COL24A1: variants seen among roughly 807,000 people sequenced by gnomAD.
COL24A1 encodes the protein collagen type XXIV alpha 1 chain.
A neutral mutation model predicts 253.9 loss-of-function variants in COL24A1; 224 were observed. The observed-to-expected ratio is 0.88, with a 90% CI of 0.79 to 0.99. The LOEUF is 0.99. Ranked by LOEUF, COL24A1 falls within the 50% of genes least tolerant of loss-of-function variation. The pLI, the probability that COL24A1 is intolerant of heterozygous loss-of-function variation, is 0.00. For synonymous variants in COL24A1, 685 were observed against 673.7 expected (o/e 1.02, Z -0.26); for missense variants, 2,131 against 2,068.5 (o/e 1.03, Z -0.59).
chr1:85,781,107 T>C (rs1669093898), intron 52 of COL24A1, 113 bp downstream of exon 52: 1 of 724,082 alleles, frequency 1.4e-6, no homozygotes, highest in South Asian at 2.5e-5. Flanking sequence ...AAAATGTATA[T>C]CTATTTTTTC....
intron 7 of COL24A1, among the ~76,000 whole-genome samples, chr1:86,082,322 T>G (rs535121694): frequency 5.3e-5 from 8 of 152,108 alleles, no homozygotes; most frequent in Non-Finnish European, 1.2e-4. Context: ...ACCTCCTCCC[T>G]CACACTTCAT....
intron 45 of COL24A1, 52 bp from the exon 46 acceptor site, chr1:85,818,139 T>A: frequency 6.8e-7 from 1 of 1,468,994 alleles, no homozygotes; most frequent in South Asian, 1.1e-5. Flanking sequence ...TTACTTAAAC[T>A]GAAGCCATAG....
chr1:85,736,755 T>C (rs1475074929), intron 58 of COL24A1, among the ~76,000 whole-genome samples: 1 of 152,110 alleles, frequency 6.6e-6, no homozygotes, highest in Non-Finnish European at 1.5e-5. Flanking sequence ...GCTGGTTTAA[T>C]CAGAAAAAGA....
Position 86,120,300 on chromosome 1 carries a change from T to C in COL24A1, c.1491+4545A>G, listed in dbSNP as rs555468993. ...GCCAAAATAGACAAATGGGATCTAA[T>C]TAAACTCAAGAGCTTCTGCACAGCA... is the stretch of plus-strand genomic sequence containing the variant. On this transcript the variant is annotated intron_variant, in intron 3 of 59. Transcript: ENST00000370571. Among the ~76,000 whole-genome samples the C allele has an allele frequency of 1.7e-3, 259 of 152,208 alleles. 1 individual carries two copies. The highest frequency in any genetic ancestry group is 3.4e-3 in the Middle Eastern group (1 of 292).
At chr1:85,886,097 C>G (rs1682467161) in intron 32 of COL24A1, among the ~76,000 whole-genome samples, 1 of 151,600 alleles carries the variant, frequency 6.6e-6, no homozygotes, top group Admixed American at 6.6e-5. Context: ...GAATCTCACT[C>G]TATCACCCAG....
At chr1:85,986,274 A>G (rs1376221817) in intron 20 of COL24A1, among the ~76,000 whole-genome samples, 2 of 151,794 alleles carry the variant, frequency 1.3e-5, no homozygotes. Context: ...CATGAGAGGC[A>G]GCCAATATCT....
intron 47 of COL24A1, among the ~76,000 whole-genome samples, chr1:85,802,524 CA>C (rs1671539942): frequency 6.6e-6 from 1 of 152,130 alleles, no homozygotes; most frequent in Non-Finnish European, 1.5e-5. Flanking sequence ...CCTCCCCACT[CA>C]TATAATATAT....
At chr1:86,016,462 A>G (rs1697002475) in intron 19 of COL24A1, among the ~76,000 whole-genome samples, 1 of 152,208 alleles carries the variant, frequency 6.6e-6, no homozygotes, top group African/African-American at 2.4e-5. Flanking sequence ...GTACACTGAT[A>G]TGTGTGTGCT....
chr1:86,115,689 C>T (rs1706073366), intron 3 of COL24A1, among the ~76,000 whole-genome samples: 1 of 152,136 alleles, frequency 6.6e-6, no homozygotes, highest in African/African-American at 2.4e-5. Context: ...TTTACTTTTA[C>T]TATGGAAGAA....
intron 28 of COL24A1, among the ~76,000 whole-genome samples, chr1:85,899,562 A>C (rs1684076326): frequency 6.6e-6 from 1 of 152,240 alleles, no homozygotes; most frequent in East Asian, 1.9e-4. Flanking sequence ...TTAGAAAGTT[A>C]GAAGTCATTC....
At chr1:86,129,892 G>GT (rs1313634764) in intron 2 of COL24A1, among the ~76,000 whole-genome samples, 1 of 151,668 alleles carries the variant, frequency 6.6e-6, no homozygotes, top group Admixed American at 6.6e-5. Flanking sequence ...GTACCTCATT[G>GT]TTTATGTTAT....
intron 5 of COL24A1, among the ~76,000 whole-genome samples, chr1:86,097,184 C>T (rs2102009144): frequency 6.6e-6 from 1 of 152,242 alleles, no homozygotes; most frequent in Non-Finnish European, 1.5e-5. Context: ...CTCCTTTCTG[C>T]TCCTTATGCT....
intron 37 of COL24A1, among the ~76,000 whole-genome samples, chr1:85,867,570 A>G (rs1679932470): frequency 6.6e-6 from 1 of 152,232 alleles, no homozygotes; most frequent in African/African-American, 2.4e-5. Flanking sequence ...CAAAGGCATG[A>G]ACATTTACAG....
intron 10 of COL24A1, among the ~76,000 whole-genome samples, chr1:86,056,870 A>G (rs1422954159): frequency 6.6e-6 from 1 of 151,624 alleles, no homozygotes; most frequent in African/African-American, 2.4e-5. Flanking sequence ...AAAAAAAAAC[A>G]CAAAACAAAA....
chr1:86,047,682 G>A (rs11487918), intron 11 of COL24A1, among the ~76,000 whole-genome samples: 34,635 of 151,594 alleles, frequency 0.23, 4,299 homozygotes, highest in Middle Eastern at 0.44. Context: ...ATTCATGTAT[G>A]TAAAACCATT....
chr1:85,740,506 A>G (rs916652915), intron 57 of COL24A1, among the ~76,000 whole-genome samples: 1 of 151,986 alleles, frequency 6.6e-6, no homozygotes, highest in Non-Finnish European at 1.5e-5. Context: ...CCCAGGCTGG[A>G]GTGCAGTGGC....
intron 35 of COL24A1, among the ~76,000 whole-genome samples, chr1:85,872,617 A>G (rs1410807963): frequency 3.9e-5 from 6 of 152,266 alleles, no homozygotes; most frequent in Admixed American, 3.3e-4. Context: ...AATGGTGTTA[A>G]GAAAACTGGC....
chr1:86,074,240 T>C lies in COL24A1; in HGVS notation c.1708-10481A>G, dbSNP rs149259135. Among the ~76,000 whole-genome samples the C allele has an allele frequency of 1.6e-3, 236 of 152,206 alleles. 1 individual carries two copies. Among genetic ancestry groups the C allele is most frequent in the Admixed American group, 4.3e-3 (65 of 15,280 alleles). The stretch of plus-strand genomic sequence containing the variant: ...CAAATCTCATGTGCAAAGACACACA[T>C]AGGCTCAAAATAAAGGGATAGAGGA... On this transcript the variant is annotated intron_variant, in intron 7 of 59. Transcript: ENST00000370571.
intron 24 of COL24A1, among the ~76,000 whole-genome samples, chr1:85,922,213 GGGAGAAT>G (rs1287718743): frequency 6.6e-6 from 1 of 152,158 alleles, no homozygotes. Context: ...GAAAGTGATG[GGGAGAAT>G]GGAACCAAGT....
Sources: gnomAD v4.1 joint callset for allele counts (sites outside exome capture counted in the v4.1 genomes callset) on GRCh38, gnomAD v4.1.1 for gene constraint, MANE v1.5 for transcripts, NCBI Gene and HGNC (gene_info 2026-07-23, HGNC 2026-07-21) for gene names.